The following PDZRN3 variants were observed in gnomAD, a reference collection of about 807,000 sequenced individuals.
The protein encoded by PDZRN3 is E3 ubiquitin-protein ligase PDZRN3.
A neutral mutation model predicts 85.7 loss-of-function variants in PDZRN3; 38 were observed. That is an observed-to-expected ratio of 0.44 (90% confidence interval 0.34 to 0.58). The LOEUF is 0.58. PDZRN3 is among the 20% of genes least tolerant of loss of function. PDZRN3 has a pLI of 0.01. For missense variants in PDZRN3, 1,629 were observed against 1,506.4 expected, an observed-to-expected ratio of 1.08 and a Z score of -1.35; for synonymous variants, 759 against 638.0, an observed-to-expected ratio of 1.19 and a Z score of -2.86.
intron 3 of PDZRN3, among the ~76,000 whole-genome samples, chr3:73,493,374 G>A (rs930882192): frequency 3.3e-5 from 5 of 152,174 alleles, no homozygotes; most frequent in African/African-American, 1.2e-4. Flanking sequence ...ATGACCTCAC[G>A]TACATGGAGC....
intron 8 of PDZRN3, among the ~76,000 whole-genome samples, chr3:73,386,391 T>G (rs1701388492): frequency 6.6e-6 from 1 of 152,092 alleles, no homozygotes; most frequent in Non-Finnish European, 1.5e-5. Flanking sequence ...GAGATTGGGT[T>G]TCACCATGTT....
intron 3 of PDZRN3, among the ~76,000 whole-genome samples, chr3:73,533,755 C>A (rs1229816682): frequency 6.6e-6 from 1 of 152,126 alleles, no homozygotes; most frequent in African/African-American, 2.4e-5. Context: ...GCAAAGAAAT[C>A]AGCTATAGGT....
intron 3 of PDZRN3, among the ~76,000 whole-genome samples, chr3:73,462,537 C>T (rs1416568856): frequency 8.3e-5 from 8 of 95,880 alleles, no homozygotes; most frequent in Non-Finnish European, 1.1e-4. Context: ...GGTGAGACTC[C>T]GTCTCAAAAA....
intron 3 of PDZRN3, among the ~76,000 whole-genome samples, chr3:73,420,110 A>G (rs1438032819): frequency 6.6e-6 from 1 of 152,238 alleles, no homozygotes; most frequent in Non-Finnish European, 1.5e-5. Context: ...ACACAGATGC[A>G]CATTAAAGTA....
At chr3:73,422,653 G>A (rs192295981) in intron 3 of PDZRN3, among the ~76,000 whole-genome samples, 83 of 152,270 alleles carry the variant, frequency 5.5e-4, no homozygotes, top group African/African-American at 1.9e-3. Context: ...ACAACTTTGA[G>A]AAAAAGGATG....
intron 3 of PDZRN3, among the ~76,000 whole-genome samples, chr3:73,442,781 A>G (rs950725503): frequency 6.6e-6 from 1 of 152,068 alleles, no homozygotes; most frequent in Non-Finnish European, 1.5e-5. Context: ...AATGAGCAGA[A>G]GCAGGGTAAA....
intron 3 of PDZRN3, among the ~76,000 whole-genome samples, chr3:73,446,841 G>C (rs1702757375): frequency 6.6e-6 from 1 of 151,826 alleles, no homozygotes; most frequent in African/African-American, 2.4e-5. Flanking sequence ...GAGTGAGTAG[G>C]TTTTCATGTC....
chr3:73,508,984 A>G (rs1487013687), intron 3 of PDZRN3, among the ~76,000 whole-genome samples: 2 of 152,186 alleles, frequency 1.3e-5, no homozygotes, highest in Admixed American at 1.3e-4. Context: ...AGCAGCAAAG[A>G]CAATTTCCCC....
intron 3 of PDZRN3, chr3:73,593,941 C>G (rs982425325): frequency 6.6e-6 from 1 of 152,152 alleles, no homozygotes; most frequent in African/African-American, 2.4e-5. Flanking sequence ...TTTGTTTCTA[C>G]TGGTTTTTCT....
intron 3 of PDZRN3, among the ~76,000 whole-genome samples, chr3:73,564,201 T>C (rs1230487598): frequency 6.6e-6 from 1 of 152,220 alleles, no homozygotes; most frequent in African/African-American, 2.4e-5. Flanking sequence ...ACTTAACATC[T>C]TGAAAATTCT....
intron 5 of PDZRN3, among the ~76,000 whole-genome samples, chr3:73,394,784 A>G (rs17011061): frequency 0.035 from 5,394 of 152,302 alleles, 343 homozygotes; most frequent in African/African-American, 0.12. Flanking sequence ...GGGATGGTTC[A>G]ACATCACAGA....
chr3:73,459,816 T>C (rs1703067694), intron 3 of PDZRN3, among the ~76,000 whole-genome samples: 2 of 152,234 alleles, frequency 1.3e-5, no homozygotes, highest in Non-Finnish European at 1.5e-5. Context: ...TCTTCTTTTA[T>C]ATCTGCCTAA....
intron 3 of PDZRN3, among the ~76,000 whole-genome samples, chr3:73,546,924 C>T (rs145754827): frequency 9.9e-4 from 151 of 152,292 alleles, no homozygotes; most frequent in African/African-American, 3.4e-3. Context: ...CTGAGTTCAG[C>T]AGCTGGAAGA....
intron 3 of PDZRN3, among the ~76,000 whole-genome samples, chr3:73,416,854 T>G (rs9681295): frequency 6.6e-6 from 1 of 150,662 alleles, no homozygotes; most frequent in Non-Finnish European, 1.5e-5. Flanking sequence ...GCCTAGGTTT[T>G]TTTTTTGTTT....
chr3:73,535,818 C>T (rs184176129), intron 3 of PDZRN3, among the ~76,000 whole-genome samples: 74 of 152,250 alleles, frequency 4.9e-4, no homozygotes, highest in Middle Eastern at 3.4e-3. Context: ...CCATTTATTA[C>T]GCACCCACAT....
chr3:73,527,614 G>C (rs1704554347), intron 3 of PDZRN3, among the ~76,000 whole-genome samples: 1 of 152,000 alleles, frequency 6.6e-6, no homozygotes, highest in African/African-American at 2.4e-5. Context: ...ATTCTGAGCT[G>C]TTCTCAGAAT....
rs955352699 is a variant in PDZRN3, at chr3:73,419,331, G to C, written c.919-14936C>G. ...GTAAAGTTATCAGAGGGTACAAGGA[G>C]ATGACGGGGGTGACATTTATAGTTC... On this transcript the variant is annotated intron_variant, in intron 3 of 9. Transcript: ENST00000263666. Among the ~76,000 whole-genome samples the C allele has an allele frequency of 1.3e-5, 2 of 152,176 alleles. 1 individual carries two copies. Among genetic ancestry groups the C allele is most frequent in the Admixed American group, 1.3e-4 (2 of 15,276 alleles).
intron 3 of PDZRN3, among the ~76,000 whole-genome samples, chr3:73,552,775 T>G (rs886642032): frequency 6.6e-6 from 1 of 152,208 alleles, no homozygotes; most frequent in Non-Finnish European, 1.5e-5. Context: ...TGTTTAGGAT[T>G]TGAGATGCCC....
intron 3 of PDZRN3, among the ~76,000 whole-genome samples, chr3:73,571,378 G>A (rs758440760): frequency 2.6e-5 from 4 of 152,120 alleles, no homozygotes; most frequent in African/African-American, 7.2e-5. Context: ...AACAGATAGC[G>A]TCAACCATTA....
Sources: allele counts gnomAD v4.1 joint callset (sites outside exome capture counted in the v4.1 genomes callset), GRCh38; gene constraint gnomAD v4.1.1; transcripts MANE v1.5; gene names NCBI Gene and HGNC (gene_info 2026-07-23, HGNC 2026-07-21).